RIMS2: variants seen among roughly 807,000 people sequenced by gnomAD.
RIMS2 encodes regulating synaptic membrane exocytosis protein 2.
In RIMS2, 59 loss-of-function variants were observed where a neutral mutation model predicts 174.4. That is an observed-to-expected ratio of 0.34 (90% CI 0.27 to 0.42). The LOEUF is 0.42. Ranked by LOEUF, RIMS2 falls within the 10% of genes least tolerant of loss-of-function variation. The probability of loss-of-function intolerance (pLI) is 1.00; values close to 1 mark genes in which losing one functional copy is unlikely to be tolerated. For missense variants in RIMS2, 1,620 were observed against 1,666.3 expected (o/e 0.97, Z 0.48); for synonymous variants, 606 against 572.5 (o/e 1.06, Z -0.84).
At chr8:104,057,467 A>G (rs182863480) in intron 19 of RIMS2, among the ~76,000 whole-genome samples, 89 of 152,278 alleles carry the variant, frequency 5.8e-4, no homozygotes, top group African/African-American at 2.1e-3. Context: ...TTAGAGATCA[A>G]AAACAAAACA....
chr8:104,151,615 G>A (rs1446893331), intron 19 of RIMS2, among the ~76,000 whole-genome samples: 1 of 152,012 alleles, frequency 6.6e-6, no homozygotes, highest in Non-Finnish European at 1.5e-5. Flanking sequence ...GGGGAAAGAG[G>A]AAGAGGGATG....
chr8:103,700,047 T>A (rs1021925626), intron 2 of RIMS2, among the ~76,000 whole-genome samples: 3 of 152,178 alleles, frequency 2.0e-5, no homozygotes, highest in African/African-American at 7.2e-5. Flanking sequence ...TATTCTTCTG[T>A]TTTTGGCCAG....
chr8:103,523,384 TTG>T (rs1290582775), intron 1 of RIMS2, among the ~76,000 whole-genome samples: 1 of 150,300 alleles, frequency 6.7e-6, no homozygotes, highest in Non-Finnish European at 1.5e-5. Context: ...TAAAGTAATT[TTG>T]TGTGTGTGTT....
intron 15 of RIMS2, among the ~76,000 whole-genome samples, chr8:103,962,533 T>A (rs983836920): frequency 1.3e-5 from 2 of 152,202 alleles, no homozygotes; most frequent in African/African-American, 4.8e-5. Context: ...TGCCATGAAA[T>A]ATACTATATT....
intron 3 of RIMS2, among the ~76,000 whole-genome samples, chr8:103,813,228 T>G (rs2098699520): frequency 2.0e-5 from 3 of 152,332 alleles, no homozygotes; most frequent in Admixed American, 2.0e-4. Flanking sequence ...TCATGGCTTA[T>G]CAGGTTAGAG....
chr8:104,205,157 A>G (rs1231796944), intron 19 of RIMS2, among the ~76,000 whole-genome samples: 1 of 152,198 alleles, frequency 6.6e-6, no homozygotes, highest in Non-Finnish European at 1.5e-5. Flanking sequence ...TTTGTTAGGA[A>G]TGTGAAAACT....
intron 19 of RIMS2, among the ~76,000 whole-genome samples, chr8:104,055,889 C>G (rs1462084152): frequency 1.3e-5 from 2 of 152,032 alleles, no homozygotes; most frequent in Non-Finnish European, 2.9e-5. Flanking sequence ...TCCTCTCTTT[C>G]TTCCTCTCTT....
At chr8:103,936,080 A>G (rs941229078) in intron 12 of RIMS2, among the ~76,000 whole-genome samples, 1 of 152,186 alleles carries the variant, frequency 6.6e-6, no homozygotes, top group Non-Finnish European at 1.5e-5. Context: ...AAAATAAATT[A>G]TCATTGGTCA....
chr8:103,645,177 T>C (rs1420361814), intron 1 of RIMS2, among the ~76,000 whole-genome samples: 1 of 152,074 alleles, frequency 6.6e-6, no homozygotes, highest in Non-Finnish European at 1.5e-5. Context: ...GTCACTATAG[T>C]TTGCTTGTGT....
intron 7 of RIMS2, 124 bp from the exon 11 acceptor site, chr8:103,916,279 TTGTTCTCAGTA>T: frequency 5.7e-6 from 3 of 525,814 alleles, no homozygotes; most frequent in Non-Finnish European, 9.6e-6. Context: ...ACTGGAACTG[TTGTTCTCAGTA>T]TGTTTCGTAT....
At chr8:103,921,482 C>T (rs1451089601) in intron 9 of RIMS2, among the ~76,000 whole-genome samples, 190 bp from the exon 13 acceptor site, 5 of 151,944 alleles carry the variant, frequency 3.3e-5, no homozygotes, top group African/African-American at 1.2e-4. Context: ...TAAGAGAATC[C>T]CTATAGTGCC....
chr8:103,611,616 T>C (rs1482182455), intron 1 of RIMS2, among the ~76,000 whole-genome samples: 1 of 152,100 alleles, frequency 6.6e-6, no homozygotes, highest in Non-Finnish European at 1.5e-5. Flanking sequence ...CACTCTCTCC[T>C]GGCCTGTGAA....
At chr8:103,529,428 T>G (rs187451073) in intron 1 of RIMS2, among the ~76,000 whole-genome samples, 2 of 152,194 alleles carry the variant, frequency 1.3e-5, no homozygotes, top group East Asian at 1.9e-4. Flanking sequence ...CTCCGAGCCA[T>G]GCGCGGGATA....
chr8:103,845,073 A>G (rs1279479736), intron 3 of RIMS2, among the ~76,000 whole-genome samples: 3 of 152,132 alleles, frequency 2.0e-5, no homozygotes, highest in Non-Finnish European at 4.4e-5. Context: ...TTAACAAAAT[A>G]AAATCTTATA....
At chr8:103,886,459 G>A (rs2099202229) in intron 4 of RIMS2, among the ~76,000 whole-genome samples, 1 of 151,764 alleles carries the variant, frequency 6.6e-6, no homozygotes, top group African/African-American at 2.4e-5. Flanking sequence ...TTCTTGCTTT[G>A]TTTCTGAAAG....
intron 19 of RIMS2, among the ~76,000 whole-genome samples, chr8:104,095,883 A>G (rs2097754652): frequency 1.3e-5 from 2 of 152,164 alleles, no homozygotes; most frequent in African/African-American, 4.8e-5. Flanking sequence ...TATACAATTC[A>G]GTGATTTAGC....
intron 19 of RIMS2, among the ~76,000 whole-genome samples, chr8:104,185,447 T>C (rs1381620264): frequency 6.6e-6 from 1 of 151,598 alleles, no homozygotes; most frequent in Non-Finnish European, 1.5e-5. Flanking sequence ...ATGGTATCTG[T>C]AGCCAAAAAT....
chr8:103,868,715 T>G (rs1449747688), intron 3 of RIMS2, among the ~76,000 whole-genome samples: 8 of 152,102 alleles, frequency 5.3e-5, no homozygotes, highest in Admixed American at 4.6e-4. Context: ...CTTTTATCAC[T>G]TATTAGAATA....
intron 2 of RIMS2, among the ~76,000 whole-genome samples, chr8:103,739,477 A>G (rs1007098356): frequency 1.1e-4 from 17 of 152,240 alleles, no homozygotes; most frequent in Admixed American, 1.1e-3. Flanking sequence ...ATGTATACAT[A>G]TGTAACAAAC....
Sources: allele counts gnomAD v4.1 joint callset (sites outside exome capture counted in the v4.1 genomes callset), GRCh38; gene constraint gnomAD v4.1.1; transcripts MANE v1.5; gene names NCBI Gene and HGNC (gene_info 2026-07-23, HGNC 2026-07-21).